Variants in TRMT9B observed in about 807,000 individuals in gnomAD.
TRMT9B encodes the protein probable tRNA methyltransferase 9B.
In TRMT9B, 16 loss-of-function variants were observed where a neutral mutation model predicts 11.5. That is an observed-to-expected ratio of 1.39 (90% CI 0.94 to 2.11). The LOEUF (loss-of-function observed/expected upper bound fraction) is 2.11. Ranked by LOEUF, TRMT9B falls within the 30% of genes most tolerant of loss-of-function variation. TRMT9B has a pLI of 0.00. For synonymous variants in TRMT9B, 274 were observed against 192.4 expected, an observed-to-expected ratio of 1.42 and a Z score of -3.51; for missense variants, 941 against 553.8, an observed-to-expected ratio of 1.70 and a Z score of -7.02.
At chr8:12,991,554 C>T (rs1437839957) in intron 2 of TRMT9B, among the ~76,000 whole-genome samples, 1 of 152,162 alleles carries the variant, frequency 6.6e-6, no homozygotes, top group Non-Finnish European at 1.5e-5. Flanking sequence ...TCTTCTGTGG[C>T]ATTTATAATA....
chr8:12,996,083 G>T (rs532915405), intron 2 of TRMT9B, among the ~76,000 whole-genome samples: 1 of 152,264 alleles, frequency 6.6e-6, no homozygotes, highest in African/African-American at 2.4e-5. Context: ...ACAAGCTGAG[G>T]ATCATGTAGC....
At chr8:12,964,817 C>G (rs1437314005) in intron 1 of TRMT9B, among the ~76,000 whole-genome samples, 3 of 152,124 alleles carry the variant, frequency 2.0e-5, no homozygotes, top group Admixed American at 6.6e-5. Flanking sequence ...GTCTCAAACT[C>G]CTGGCCTCAA....
chr8:13,011,563 T>C lies in TRMT9B; in HGVS notation c.155-1121T>C, dbSNP rs116713494. The C allele has an allele frequency of 1.1e-3, 1,000 of 932,270 alleles. 7 individuals are homozygous for C. The African/African-American group carries it at 0.017, about 16-fold the overall frequency. 57.7% of individuals were successfully genotyped at this position (932,270 alleles called of 1,614,324 possible). On this transcript the variant is annotated intron_variant, in intron 3 of 4. Transcript: ENST00000524591. The stretch of plus-strand genomic sequence containing the variant: ...AAGTAATTAGATTATATATCTGTGA[T>C]AGAATATAATACTAAGTATTAGACT...
At chr8:13,011,307 T>C in intron 3 of TRMT9B, 1 of 985,360 alleles carries the variant, frequency 1.0e-6, no homozygotes, top group Non-Finnish European at 1.2e-6. Context: ...TTTTTATTCA[T>C]ATATTCTCCA....
chr8:12,991,506 A>T lies in TRMT9B; in HGVS notation c.-2+475A>T, dbSNP rs1807324193. Among the ~76,000 whole-genome samples, 3 of 152,220 alleles carry T rather than the reference A, an allele frequency of 2.0e-5. No individual in the cohort carries two copies. In the South Asian group the frequency reaches 6.2e-4, roughly 32 times the overall value. On this transcript the variant is annotated intron_variant, in intron 2 of 4. Coordinates refer to ENST00000524591, the MANE Select transcript of TRMT9B (RefSeq NM_020844.3). The stretch of plus-strand genomic sequence containing the variant: ...TAGTTTAAGTGTGTCTTTGAAATTT[A>T]AAGCAGAATTTTATGCTCTCTCTTT...
chr8:13,010,509 T>A, intron 3 of TRMT9B: 1 of 983,972 alleles, frequency 1.0e-6, no homozygotes, highest in South Asian at 4.7e-5. Context: ...ATATTTAAAA[T>A]TCTTTTATTG....
At chr8:12,965,098 A>C (rs977307349) in intron 1 of TRMT9B, among the ~76,000 whole-genome samples, 1 of 152,240 alleles carries the variant, frequency 6.6e-6, no homozygotes, top group Non-Finnish European at 1.5e-5. Context: ...TATAGAATAC[A>C]GTGCAAGCTG....
At chr8:13,014,316 AAAC>A (rs1260417085) in intron 4 of TRMT9B, among the ~76,000 whole-genome samples, 2 of 152,216 alleles carry the variant, frequency 1.3e-5, no homozygotes, top group African/African-American at 4.8e-5. Context: ...GACTTCGCTT[AAAC>A]AACAGACATT....
intron 1 of TRMT9B, among the ~76,000 whole-genome samples, chr8:12,986,836 C>G (rs924719677): frequency 3.3e-5 from 5 of 152,234 alleles, no homozygotes; most frequent in African/African-American, 1.2e-4. Flanking sequence ...TCAATCCTTT[C>G]TAAGCATTAT....
intron 4 of TRMT9B, among the ~76,000 whole-genome samples, chr8:13,016,146 C>G (rs1812616281): frequency 8.2e-6 from 1 of 121,290 alleles, no homozygotes; most frequent in Non-Finnish European, 1.7e-5. Flanking sequence ...ATAAGGGACC[C>G]TGTACCTGAA....
intron 1 of TRMT9B, among the ~76,000 whole-genome samples, chr8:12,980,677 A>C (rs1029413937): frequency 6.6e-6 from 1 of 152,228 alleles, no homozygotes; most frequent in Admixed American, 6.5e-5. Context: ...AAGAGAGCAC[A>C]GGAGACGAAT....
intron 3 of TRMT9B, chr8:13,011,723 A>C: frequency 1.0e-6 from 1 of 973,850 alleles, no homozygotes; most frequent in Non-Finnish European, 1.2e-6. Context: ...GCTACTGGAA[A>C]GTGAATATCA....
intron 1 of TRMT9B, among the ~76,000 whole-genome samples, chr8:12,960,984 T>TA: frequency 6.6e-6 from 1 of 151,906 alleles, no homozygotes; most frequent in Middle Eastern, 3.4e-3. Context: ...CTACTAAAAA[T>TA]ACAAAAATTA....
chr8:12,966,882 C>G (rs1362652666), intron 1 of TRMT9B, among the ~76,000 whole-genome samples: 1 of 152,164 alleles, frequency 6.6e-6, no homozygotes. Context: ...AAAAAATCGG[C>G]TTTACCACAT....
At chr8:12,948,927 T>A (rs1307135644) in intron 1 of TRMT9B, among the ~76,000 whole-genome samples, 1 of 152,174 alleles carries the variant, frequency 6.6e-6, no homozygotes, top group African/African-American at 2.4e-5. Flanking sequence ...ACCACTGCAC[T>A]CCAGCCTGGG....
chr8:12,963,802 T>A (rs569212753), intron 1 of TRMT9B, among the ~76,000 whole-genome samples: 1 of 152,334 alleles, frequency 6.6e-6, no homozygotes, highest in Non-Finnish European at 1.5e-5. Flanking sequence ...ATGGCTACTT[T>A]CATTTAAGCT....
intron 1 of TRMT9B, among the ~76,000 whole-genome samples, chr8:12,968,966 C>T (rs922925846): frequency 2.6e-5 from 4 of 152,214 alleles, no homozygotes; most frequent in Admixed American, 1.3e-4. Flanking sequence ...AATCCCAGCA[C>T]TTTGGGAGGC....
Position 13,010,371 on chromosome 8 carries a change from G to C in TRMT9B, c.155-2313G>C, listed in dbSNP as rs372448052. On this transcript the variant is annotated intron_variant, in intron 3 of 4. Coordinates refer to ENST00000524591, the MANE Select transcript of TRMT9B (RefSeq NM_020844.3). ...AATGAAAAAGAAAGAAGTTCAAAGG[G>C]ATGAGGAGAAGAAAAGACAGATGGT... is the stretch of plus-strand genomic sequence containing the variant. The C allele has an allele frequency of 1.5e-5, 15 of 978,562 alleles. No individual in the cohort carries two copies. In the East Asian group the frequency reaches 1.0e-3, roughly 67 times the overall value. The allele number at this position is 978,562 out of a possible 1,614,324, so 60.6% of individuals were successfully genotyped here. A position where few individuals can be genotyped will look rare whatever the true frequency, so the allele number is the denominator to read the frequency against.
rs2946483 is a variant in TRMT9B, at chr8:13,011,073, C to T, written c.155-1611C>T. On this transcript the variant is annotated intron_variant, in intron 3 of 4. Coordinates refer to ENST00000524591, the MANE Select transcript of TRMT9B (RefSeq NM_020844.3). Reference sequence around the variant, plus strand: ...TACCCCAGCTCACTGCAACCTCCACCTCCTGAATTTAAGTGATTTTTTTCT... The same window carrying T: ...TACCCCAGCTCACTGCAACCTCCACTTCCTGAATTTAAGTGATTTTTTTCT... 2,891 of 423,460 alleles carry T rather than the reference C, an allele frequency of 6.8e-3. 82 individuals carry two copies. The highest frequency in any genetic ancestry group is 0.057 in the African/African-American group (2,667 of 46,420). 26.2% of individuals were successfully genotyped at this position (423,460 alleles called of 1,614,324 possible).
Sources: gnomAD v4.1 joint callset for allele counts (sites outside exome capture counted in the v4.1 genomes callset) on GRCh38, gnomAD v4.1.1 for gene constraint, MANE v1.5 for transcripts, NCBI Gene and HGNC (gene_info 2026-07-23, HGNC 2026-07-21) for gene names.